Variants in CLIP1 observed in about 807,000 individuals in gnomAD.
The protein encoded by CLIP1 is CAP-Gly domain-containing linker protein 1.
In CLIP1, 66 loss-of-function variants were observed where a neutral mutation model predicts 161.6. The ratio of observed to expected loss-of-function variants is 0.41; its 90% CI spans 0.33 to 0.50. The LOEUF (loss-of-function observed/expected upper bound fraction) is 0.50. Among genes scored for constraint, CLIP1 ranks in the 20% least tolerant of loss-of-function variants. CLIP1 has a pLI of 0.27. For synonymous variants in CLIP1, 598 were observed against 626.2 expected, an observed-to-expected ratio of 0.96 and a Z score of 0.67; for missense variants, 1,376 against 1,702.0, an observed-to-expected ratio of 0.81 and a Z score of 3.37.
At position 122,390,275 on chromosome 12, in the gene CLIP1, T is replaced by TAC. The variant is rs1400216029; in HGVS notation, c.-106-9718_-106-9717insGT. ...ACACATATATACACACACATATATA[T>TAC]ATACATATATATATATATATATATA... On this transcript the variant is annotated intron_variant, in intron 1 of 25. Coordinates refer to ENST00000620786, the MANE Select transcript of CLIP1 (RefSeq NM_001247997.2). 8.1e-3 allele frequency among the ~76,000 whole-genome samples: 390 copies of TAC among 48,216 alleles called. 4 individuals are homozygous for TAC. The East Asian group carries it at 0.088, about 11-fold the overall frequency. 31.6% of individuals were successfully genotyped at this position (48,216 alleles called of 152,430 possible).
In CLIP1 at chr12:122,422,518, C is replaced by A; in HGVS notation, c.-107+3G>T. 1 of 151,914 alleles carries A rather than the reference C, an allele frequency of 6.6e-6. No individual in the cohort carries two copies. The highest frequency in any genetic ancestry group is 1.8e-4 in the South Asian group (1 of 5,576). The allele number at this position is 151,914 out of a possible 1,614,324, so 9.4% of individuals were successfully genotyped here. A position where few individuals can be genotyped will look rare whatever the true frequency, so the allele number is the denominator to read the frequency against. On this transcript the variant is annotated splice_donor_region_variant and intron_variant, in intron 1 of 25. Coordinates refer to ENST00000620786, the MANE Select transcript of CLIP1 (RefSeq NM_001247997.2). ...GAGAGGGCCCGCGCCGCCCCCTGCT[C>A]ACCTCCTCGGACGCCGCCGGTCGCC...
At chr12:122,316,911 A>G in intron 18 of CLIP1, 56 bp from the exon 19 acceptor site, 1 of 1,039,946 alleles carries the variant, frequency 9.6e-7, no homozygotes, top group Non-Finnish European at 1.4e-6. Context: ...CAGTGACATG[A>G]ATGAACAAAT....
At chr12:122,415,310 T>C (rs1956705012) in intron 1 of CLIP1, among the ~76,000 whole-genome samples, 1 of 149,230 alleles carries the variant, frequency 6.7e-6, no homozygotes, top group South Asian at 2.1e-4. Context: ...TGAAACCCCA[T>C]CTCTACTAAA....
intron 1 of CLIP1, among the ~76,000 whole-genome samples, chr12:122,396,429 T>C (rs1214668140): frequency 6.6e-6 from 1 of 152,192 alleles, no homozygotes; most frequent in Non-Finnish European, 1.5e-5. Flanking sequence ...AGTGACATTT[T>C]ATTATTTCTA....
chr12:122,361,078 C>G lies in CLIP1; in HGVS notation c.886G>C (p.Val296Leu). 1 of 1,614,274 alleles carries G rather than the reference C, an allele frequency of 6.2e-7. No individual in the cohort carries two copies. The highest frequency in any genetic ancestry group is 8.5e-7 in the Non-Finnish European group (1 of 1,180,050). The part of the protein sequence containing the change: ...TTPAKAKANA[V>L]RRVMATTSAS... Reference sequence around the variant, plus strand: ...GACGTGGTCGCCATCACTCGCCTCACTGCGTTGGCCTTGGCTTTGGCTGGT... The same window carrying G: ...GACGTGGTCGCCATCACTCGCCTCAGTGCGTTGGCCTTGGCTTTGGCTGGT... The change falls in exon 5 of 26, where the codon GTG becomes CTG. Residue 296 changes from valine (V) to leucine (L), a missense_variant. Physicochemically the swap from Val to Leu is conservative, Grantham distance 32. This residue lies in a region of CLIP1 where 211 missense variants were observed against 295.1 expected (regional missense o/e 0.72). Coordinates refer to ENST00000620786, the MANE Select transcript of CLIP1 (RefSeq NM_001247997.2).
chr12:122,388,378 C>T (rs1460222441), intron 1 of CLIP1, among the ~76,000 whole-genome samples: 2 of 152,088 alleles, frequency 1.3e-5, no homozygotes, highest in Admixed American at 6.6e-5. Context: ...TGCAACCACG[C>T]CCGGCTAATT....
intron 1 of CLIP1, among the ~76,000 whole-genome samples, chr12:122,401,920 C>T (rs1956156235): frequency 6.6e-6 from 1 of 151,782 alleles, no homozygotes; most frequent in South Asian, 2.1e-4. Context: ...TCACTTGAAC[C>T]TGGGAGGTGG....
rs1475069239 is a variant in CLIP1 at position 122,347,479 on chromosome 12, T to C, written c.1402A>G (p.Thr468Ala). The C allele has an allele frequency of 6.2e-7, 1 of 1,611,300 alleles. No homozygotes were observed. The highest frequency in any genetic ancestry group is 8.5e-7 in the Non-Finnish European group (1 of 1,177,782). The change falls in exon 10 of 26, where the codon ACG becomes GCG. Residue 468 changes from threonine (T) to alanine (A), a missense_variant and splice_region_variant. Transcript: ENST00000620786. ...CGGGCATGCTCCAGTTTGGTCTGCG[T>C]CTGTTAGTAAAAAGGAAGAGGAAGA... ...KSQISEDPENTQTKLEHARIK... is the reference protein window; with the variant it reads ...KSQISEDPENAQTKLEHARIK...
At chr12:122,387,452 G>T (rs1334198089) in intron 1 of CLIP1, among the ~76,000 whole-genome samples, 2 of 144,314 alleles carry the variant, frequency 1.4e-5, no homozygotes, top group Non-Finnish European at 3.1e-5. Flanking sequence ...GTGGAGGCGG[G>T]GGGGAGGACT....
chr12:122,282,683 G>GTA (rs573205309), intron 21 of CLIP1, among the ~76,000 whole-genome samples: 35 of 151,556 alleles, frequency 2.3e-4, no homozygotes, highest in South Asian at 4.2e-4. Context: ...ATATATATAT[G>GTA]TATATATATA....
chr12:122,290,375 GAA>G (rs1173604146), intron 20 of CLIP1, among the ~76,000 whole-genome samples: 1 of 152,016 alleles, frequency 6.6e-6, no homozygotes, highest in Admixed American at 6.5e-5. Context: ...ATGAAAGGAA[GAA>G]AAAAGAGTGG....
chr12:122,309,604 G>T (rs996783587), intron 20 of CLIP1, among the ~76,000 whole-genome samples, 158 bp downstream of exon 20: 1 of 152,090 alleles, frequency 6.6e-6, no homozygotes, highest in African/African-American at 2.4e-5. Flanking sequence ...ACAGCAGCAC[G>T]TTTGAAAACA....
rs369442173 is a variant in CLIP1, at chr12:122,365,744, A to G, written c.658-1637T>C. 131 of 622,110 alleles carry G rather than the reference A, an allele frequency of 2.1e-4. 1 individual carries two copies. Among genetic ancestry groups the G allele is most frequent in the East Asian group, 1.3e-3 (48 of 36,142 alleles). The allele number at this position is 622,110 out of a possible 1,614,324, so 38.5% of individuals were successfully genotyped here. A position where few individuals can be genotyped will look rare whatever the true frequency, so the allele number is the denominator to read the frequency against. On this transcript the variant is annotated intron_variant, in intron 3 of 25. Coordinates refer to ENST00000620786, the MANE Select transcript of CLIP1 (RefSeq NM_001247997.2). ...AACTTGTGGCTGGGCACAGTGGTTC[A>G]TGCCTGTAATCTCAGCACTTTGGGA...
chr12:122,422,215 G>C (rs1041756604), intron 1 of CLIP1, among the ~76,000 whole-genome samples: 2 of 152,092 alleles, frequency 1.3e-5, no homozygotes, highest in African/African-American at 4.8e-5. Flanking sequence ...GGGCGGCGCA[G>C]GGGCAAGGAG....
chr12:122,422,268 G>T (rs1054622475), intron 1 of CLIP1, among the ~76,000 whole-genome samples: 1 of 151,944 alleles, frequency 6.6e-6, no homozygotes, highest in East Asian at 2.0e-4. Flanking sequence ...CGAAGGCCCG[G>T]CTCGGCGCTG....
chr12:122,273,156 A>C (rs1955242341), intron 25 of CLIP1, 56 bp from the exon 26 acceptor site: 1 of 1,474,756 alleles, frequency 6.8e-7, no homozygotes, highest in African/African-American at 1.4e-5. Flanking sequence ...TGAAGAGACA[A>C]GAACACTTGC....
rs760817547 is a variant in CLIP1 at position 122,272,887 on chromosome 12, G to A, written c.4305C>T (p.Asp1435=). ...ACTGGAGGCTTCATCAGAAGGTTTC[G>A]TCGTCATTGCAGTTGGTGGCCCAGT... The part of the protein sequence containing the change: ...FGHWATNCND[D]ETF The change falls in exon 26 of 26, where the codon GAC becomes GAT. Residue 1435 remains aspartate, a synonymous_variant. Coordinates refer to ENST00000620786, the MANE Select transcript of CLIP1 (RefSeq NM_001247997.2). 10 of 1,614,060 alleles carry A rather than the reference G, an allele frequency of 6.2e-6. No individual in the cohort carries two copies. Among genetic ancestry groups the A allele is most frequent in the African/African-American group, 2.7e-5 (2 of 74,914 alleles).
intron 1 of CLIP1, among the ~76,000 whole-genome samples, chr12:122,419,907 G>A (rs1446014031): frequency 2.5e-5 from 3 of 122,014 alleles, no homozygotes; most frequent in East Asian, 2.7e-4. Context: ...GCAACAGAGC[G>A]AGATGCGAGA....
intron 3 of CLIP1, among the ~76,000 whole-genome samples, chr12:122,368,612 A>G (rs1383178360): frequency 6.6e-6 from 1 of 152,196 alleles, no homozygotes; most frequent in Non-Finnish European, 1.5e-5. Context: ...GTGGCTTCTT[A>G]TCTGCCATAT....
Sources: gnomAD v4.1 joint callset for allele counts (sites outside exome capture counted in the v4.1 genomes callset) on GRCh38, gnomAD v4.1.1 for gene constraint, gnomAD v4.1.1 regional missense constraint, MANE v1.5 for transcripts, NCBI Gene and HGNC (gene_info 2026-07-23, HGNC 2026-07-21) for gene names.